The following PP2D1 variants were observed in gnomAD, a reference collection of about 807,000 sequenced individuals.
PP2D1 encodes the protein protein phosphatase 2C-like domain-containing protein 1.
In PP2D1, 25 loss-of-function variants were observed where a neutral mutation model predicts 30.2. The observed-to-expected ratio is 0.83, with a 90% CI of 0.60 to 1.16. The LOEUF (loss-of-function observed/expected upper bound fraction) is 1.16, where lower values mean the gene tolerates loss of function less well. Ranked by LOEUF, PP2D1 falls within the 50% of genes most tolerant of loss-of-function variation. PP2D1 has a pLI of 0.00. For missense variants in PP2D1, 760 were observed against 742.4 expected, an observed-to-expected ratio of 1.02 and a Z score of -0.28; for synonymous variants, 260 against 258.9, an observed-to-expected ratio of 1.00 and a Z score of -0.04.
intron 2 of PP2D1, among the ~76,000 whole-genome samples, chr3:19,999,322 C>A (rs937705754): frequency 2.6e-5 from 4 of 152,118 alleles, no homozygotes; most frequent in South Asian, 2.1e-4. Flanking sequence ...TCGTGATCCA[C>A]CCGCCTTGGC....
At chr3:20,005,341 A>G (rs534453207) in intron 1 of PP2D1, among the ~76,000 whole-genome samples, 4 of 151,940 alleles carry the variant, frequency 2.6e-5, no homozygotes, top group African/African-American at 9.6e-5. Flanking sequence ...TAGTAGAGAC[A>G]GTGTTTCTCC....
chr3:19,996,152 G>C (rs996860491), intron 2 of PP2D1, among the ~76,000 whole-genome samples: 1 of 151,840 alleles, frequency 6.6e-6, no homozygotes, highest in African/African-American at 2.4e-5. Context: ...AAAACAAAAG[G>C]TTGTTTTTAT....
chr3:19,989,776 C>T (rs1431573705), intron 2 of PP2D1, among the ~76,000 whole-genome samples: 1 of 152,090 alleles, frequency 6.6e-6, no homozygotes, highest in Non-Finnish European at 1.5e-5. Context: ...ACGAAAGGGA[C>T]ATAGTTTGGC....
chr3:20,003,822 C>G (rs1697285066), intron 1 of PP2D1, among the ~76,000 whole-genome samples: 1 of 151,880 alleles, frequency 6.6e-6, no homozygotes, highest in Middle Eastern at 3.4e-3. Flanking sequence ...CAGAAAAAAG[C>G]CCCTAGAATA....
downstream of PP2D1, among the ~76,000 whole-genome samples, chr3:19,980,518 C>G (rs1364900539): frequency 6.6e-6 from 1 of 151,066 alleles, no homozygotes; most frequent in Non-Finnish European, 1.5e-5. Context: ...ACAGTGCACT[C>G]ATAACAACTC....
In PP2D1 at chr3:20,001,861, C is replaced by A. The variant is rs775130449; in HGVS notation, c.259G>T (p.Ala87Ser). The A allele has an allele frequency of 2.0e-6, 3 of 1,536,076 alleles. No homozygotes were observed. Among genetic ancestry groups the A allele is most frequent in the Admixed American group, 2.0e-5 (1 of 50,930 alleles). Reference protein sequence around the residue: ...GIFLHKKQHVALATLGFQWMG... With the variant: ...GIFLHKKQHVSLATLGFQWMG... ...CATTGGAAACCCAGCGTGGCCAGAG[C>A]TACATGTTGCTTCTTATGGAGAAAA... Residue 87 changes from alanine (A) to serine (S), a missense_variant, in exon 2 of 3, where the codon GCT becomes TCT. Ala to Ser is a moderately conservative substitution (Grantham distance 99). Transcript: ENST00000389050.
chr3:19,986,309 C>T (rs1697034061), intron 2 of PP2D1, 127 bp from the exon 3 acceptor site: 9 of 653,524 alleles, frequency 1.4e-5, no homozygotes, highest in Admixed American at 3.4e-5. Context: ...TGTAAAAGTA[C>T]GTTTAAATAT....
downstream of PP2D1, among the ~76,000 whole-genome samples, chr3:19,982,206 C>CT (rs1345465792): frequency 1.3e-5 from 2 of 152,166 alleles, no homozygotes; most frequent in South Asian, 2.1e-4. Context: ...GCACCACACT[C>CT]TAACTTGGGC....
downstream of PP2D1, chr3:19,984,173 G>GGAA (rs1553640307): frequency 5.3e-4 from 210 of 394,332 alleles, no homozygotes; most frequent in South Asian, 1.4e-3. Context: ...AGTCACCTGT[G>GGAA]AAAAAAAAAT....
downstream of PP2D1, chr3:19,983,744 G>C: frequency 6.2e-7 from 1 of 1,612,186 alleles, no homozygotes; most frequent in Non-Finnish European, 8.5e-7. Flanking sequence ...CAAAATCCAG[G>C]AGCAAATTCT....
chr3:20,010,047 T>A lies in PP2D1; in HGVS notation c.23+2003A>T, dbSNP rs140014317. ...CACTCATCACTAGCTTCGACTGTCA[T>A]CAATATTTTTTTACTCCTGTTTCAT... On this transcript the variant is annotated intron_variant, in intron 1 of 2. Transcript: ENST00000389050. Among the ~76,000 whole-genome samples, 178 of 152,200 alleles carry A rather than the reference T, an allele frequency of 1.2e-3. 1 individual carries two copies. The highest frequency in any genetic ancestry group is 2.0e-3 in the Non-Finnish European group (136 of 68,018).
downstream of PP2D1, chr3:19,983,942 A>G (rs1208293485): frequency 4.4e-6 from 3 of 678,002 alleles, no homozygotes; most frequent in Non-Finnish European, 7.6e-6. Context: ...GATAGAGTCA[A>G]GTTTCTAATA....
chr3:20,009,112 T>C lies in PP2D1; in HGVS notation c.23+2938A>G, dbSNP rs574276235. 9.8e-5 allele frequency among the ~76,000 whole-genome samples: 15 copies of C among 152,286 alleles called. No homozygotes were observed. In the South Asian group the frequency reaches 2.7e-3, roughly 27 times the overall value. ...TGTGTAATGCATATTTACTAAGATG[T>C]TGTGGTAAGTTGTTTATATCATCAC... On this transcript the variant is annotated intron_variant, in intron 1 of 2. Coordinates refer to ENST00000389050, the MANE Select transcript of PP2D1 (RefSeq NM_001252657.2).
At chr3:20,003,086 A>C (rs1338469944) in intron 1 of PP2D1, among the ~76,000 whole-genome samples, 1 of 152,112 alleles carries the variant, frequency 6.6e-6, no homozygotes, top group African/African-American at 2.4e-5. Context: ...AGCAAATACA[A>C]GTATGTACAG....
At chr3:20,005,072 C>T (rs1035104577) in intron 1 of PP2D1, among the ~76,000 whole-genome samples, 2 of 152,006 alleles carry the variant, frequency 1.3e-5, no homozygotes, top group African/African-American at 2.4e-5. Flanking sequence ...GATTGCACCA[C>T]GACACTCCAG....
intron 2 of PP2D1, among the ~76,000 whole-genome samples, chr3:19,987,857 C>T (rs190541234): frequency 1.3e-5 from 2 of 152,278 alleles, no homozygotes; most frequent in South Asian, 2.1e-4. Flanking sequence ...ATTTAATGGA[C>T]ATTTATTAGT....
intron 1 of PP2D1, among the ~76,000 whole-genome samples, chr3:20,006,953 A>G (rs904474210): frequency 6.6e-5 from 10 of 150,452 alleles, no homozygotes; most frequent in Non-Finnish European, 1.0e-4. Context: ...GTATGTGTGT[A>G]TATATATATA....
chr3:19,998,135 G>A (rs559083302), intron 2 of PP2D1, among the ~76,000 whole-genome samples: 1 of 152,256 alleles, frequency 6.6e-6, no homozygotes, highest in Non-Finnish European at 1.5e-5. Flanking sequence ...TTTGGGACCA[G>A]CCTGACCAGC....
rs576059104 is a variant in PP2D1 at position 20,010,224 on chromosome 3, T to C, written c.23+1826A>G. 1.2e-4 allele frequency among the ~76,000 whole-genome samples: 19 copies of C among 152,132 alleles called. No homozygotes were observed. The South Asian group carries it at 3.3e-3, about 27-fold the overall frequency. ...AATTCTTCTGCCTCAGCCTCCTGAG[T>C]AGCTGGGACTACAGGTGCCTGCCAC... On this transcript the variant is annotated intron_variant, in intron 1 of 2. Transcript: ENST00000389050.
Sources: gnomAD v4.1 joint callset for allele counts (sites outside exome capture counted in the v4.1 genomes callset) on GRCh38, gnomAD v4.1.1 for gene constraint, MANE v1.5 for transcripts, NCBI Gene and HGNC (gene_info 2026-07-23, HGNC 2026-07-21) for gene names.